KREMEN1: variants seen among roughly 807,000 people sequenced by gnomAD.
KREMEN1 encodes the protein kringle containing transmembrane protein 1.
Under a neutral mutation model 46.5 loss-of-function variants are expected in KREMEN1, and 30 were observed. That is an observed-to-expected ratio of 0.65 (90% CI 0.48 to 0.88). The LOEUF is 0.88. KREMEN1 is among the 40% of genes least tolerant of loss of function. The pLI, the probability that KREMEN1 is intolerant of heterozygous loss-of-function variation, is 0.00. For missense variants in KREMEN1, 533 were observed against 596.9 expected, an observed-to-expected ratio of 0.89 and a Z score of 1.11; for synonymous variants, 214 against 230.6, an observed-to-expected ratio of 0.93 and a Z score of 0.65.
In KREMEN1 at chr22:29,098,898, G is replaced by A. The variant is rs1160535947; in HGVS notation, c.297G>A (p.Val99=). Residue 99 remains valine, a synonymous_variant, in exon 3 of 9, where the codon GTG becomes GTA. Coordinates refer to ENST00000400335, the MANE Select transcript of KREMEN1 (RefSeq NM_001039570.3). The part of the protein sequence containing the change: ...PDGDVSPWCY[V]AEHEDGVYWK... ...GAGACGTGAGCCCCTGGTGCTATGT[G>A]GCAGAGCACGAGGATGGTGTCTACT... 1.2e-6 allele frequency: 2 copies of A among 1,614,136 alleles called. No individual in the cohort carries two copies. The highest frequency in any genetic ancestry group is 2.2e-5 in the East Asian group (1 of 44,890).
chr22:29,156,279 G>A (rs1287021884), intron 9 of KREMEN1, among the ~76,000 whole-genome samples: 1 of 152,258 alleles, frequency 6.6e-6, no homozygotes, highest in Non-Finnish European at 1.5e-5. Context: ...CAGCTCCCAA[G>A]CCAAAATGTC....
chr22:29,082,532 C>T (rs2037671314), intron 1 of KREMEN1, among the ~76,000 whole-genome samples: 2 of 152,196 alleles, frequency 1.3e-5, no homozygotes, highest in South Asian at 2.1e-4. Context: ...GAAACTAATG[C>T]ACCCTGAATG....
Position 29,143,928 on chromosome 22 carries a change from G to T in KREMEN1, c.*1816G>T, listed in dbSNP as rs2038812161. The T allele has an allele frequency of 3.0e-6, 3 of 985,278 alleles. No homozygotes were observed. Among genetic ancestry groups the T allele is most frequent in the Non-Finnish European group, 3.6e-6 (3 of 829,948 alleles). 61.0% of individuals were successfully genotyped at this position (985,278 alleles called of 1,614,324 possible). On this transcript the variant is annotated 3_prime_UTR_variant, in exon 9 of 9. Coordinates refer to ENST00000400335, the MANE Select transcript of KREMEN1 (RefSeq NM_001039570.3). ...CAGAAGAGGGTGGGTTTGGGAATTG[G>T]AGCTCCTCCAAGGAGCTCCTCCTAA...
chr22:29,094,759 G>T (rs1366802245), intron 2 of KREMEN1, among the ~76,000 whole-genome samples: 2 of 151,952 alleles, frequency 1.3e-5, no homozygotes, highest in African/African-American at 4.8e-5. Context: ...GAGTAGCTGG[G>T]ACTACAGGCG....
In KREMEN1 at chr22:29,137,544, C is replaced by T. The variant is rs2038687064; in HGVS notation, c.834C>T (p.His278=). 3 of 1,613,734 alleles carry T rather than the reference C, an allele frequency of 1.9e-6. No individual in the cohort carries two copies. Among genetic ancestry groups the T allele is most frequent in the African/African-American group, 1.3e-5 (1 of 75,048 alleles). Residue 278 remains histidine, a synonymous_variant, in exon 6 of 9, where the codon CAC becomes CAT. Transcript: ENST00000400335. The part of the protein sequence containing the change: ...DMVELLDGYT[H]RVLARFHGRS... ...TGGAGCTTCTGGATGGCTACACCCA[C>T]CGTGTCCTAGCCCGCTTCCACGGGA...
intron 3 of KREMEN1, among the ~76,000 whole-genome samples, chr22:29,105,142 G>A (rs950142388): frequency 2.6e-5 from 4 of 152,138 alleles, no homozygotes; most frequent in Non-Finnish European, 4.4e-5. Flanking sequence ...GCACCCAGGA[G>A]GGCCATCTGT....
At chr22:29,160,855 A>G (rs987715366) in intron 9 of KREMEN1, among the ~76,000 whole-genome samples, 1 of 152,236 alleles carries the variant, frequency 6.6e-6, no homozygotes, top group Non-Finnish European at 1.5e-5. Context: ...AAGATAGCAG[A>G]AGAAAAGAAA....
At chr22:29,093,515 A>C (rs1224507301) in intron 1 of KREMEN1, among the ~76,000 whole-genome samples, 3 of 152,248 alleles carry the variant, frequency 2.0e-5, no homozygotes, top group African/African-American at 7.2e-5. Context: ...CAGATTTTAG[A>C]AACACATTGT....
At chr22:29,088,838 C>G (rs1444761978) in intron 1 of KREMEN1, among the ~76,000 whole-genome samples, 2 of 152,132 alleles carry the variant, frequency 1.3e-5, no homozygotes, top group Non-Finnish European at 2.9e-5. Flanking sequence ...AACTGAGGCT[C>G]AAGGAGGTTA....
At chr22:29,086,807 G>A (rs975488487) in intron 1 of KREMEN1, among the ~76,000 whole-genome samples, 7 of 152,162 alleles carry the variant, frequency 4.6e-5, no homozygotes, top group African/African-American at 1.4e-4. Context: ...CGCCCAGGCT[G>A]GAGTGCAGTG....
Position 29,146,216 on chromosome 22 carries a change from T to C in KREMEN1, c.*4104T>C. 1.0e-6 allele frequency: 1 copy of C among 985,944 alleles called. No individual in the cohort carries two copies. 61.1% of individuals were successfully genotyped at this position (985,944 alleles called of 1,614,324 possible). A position where few individuals can be genotyped will look rare whatever the true frequency, so the allele number is the denominator to read the frequency against. On this transcript the variant is annotated 3_prime_UTR_variant, in exon 9 of 9. Transcript: ENST00000400335. ...TGGATTGTTTCCTCTGGTGTCTTTG[T>C]TTACCTTCCTCACTGTTCTACCTCC...
intron 7 of KREMEN1, among the ~76,000 whole-genome samples, chr22:29,139,004 C>T (rs2038716045): frequency 6.6e-6 from 1 of 152,194 alleles, no homozygotes; most frequent in Non-Finnish European, 1.5e-5. Flanking sequence ...AAAAATTAGG[C>T]AAGCGTGCCT....
rs139274866 is a variant in KREMEN1, at chr22:29,133,338, C to T, written c.632-4004C>T. ...TTTTTGAGACAGGGTCTTACTCTGT[C>T]ACCCAGGCTAGAGTGCAGTAGTGCA... On this transcript the variant is annotated intron_variant, in intron 5 of 8. Coordinates refer to ENST00000400335, the MANE Select transcript of KREMEN1 (RefSeq NM_001039570.3). 9.0e-3 allele frequency among the ~76,000 whole-genome samples: 1,346 copies of T among 150,092 alleles called. 14 individuals carry two copies. Among genetic ancestry groups the T allele is most frequent in the African/African-American group, 0.031 (1,284 of 40,840 alleles).
At chr22:29,133,202 C>G (rs1023827689) in intron 5 of KREMEN1, among the ~76,000 whole-genome samples, 2 of 146,982 alleles carry the variant, frequency 1.4e-5, no homozygotes, top group African/African-American at 2.5e-5. Flanking sequence ...GAGCAGAGAT[C>G]GCGTCATTGC....
At chr22:29,089,316 TC>T (rs1000796802) in intron 1 of KREMEN1, among the ~76,000 whole-genome samples, 8 of 112,236 alleles carry the variant, frequency 7.1e-5, no homozygotes, top group Non-Finnish European at 1.0e-4. Context: ...GTATCACTAC[TC>T]AGCTGGTTGC....
chr22:29,108,145 G>A (rs1191203228), intron 3 of KREMEN1, among the ~76,000 whole-genome samples: 1 of 152,210 alleles, frequency 6.6e-6, no homozygotes, highest in African/African-American at 2.4e-5. Context: ...AATTAGCCAG[G>A]TGTGATGGGC....
chr22:29,101,425 A>T (rs2037975235), intron 3 of KREMEN1, among the ~76,000 whole-genome samples: 1 of 152,318 alleles, frequency 6.6e-6, no homozygotes, highest in Non-Finnish European at 1.5e-5. Context: ...TTTATTATTC[A>T]AGAAAAATTA....
Position 29,108,461 on chromosome 22 carries a change from C to T in KREMEN1, c.352+9508C>T, listed in dbSNP as rs560505133. 1.5e-3 allele frequency among the ~76,000 whole-genome samples: 224 copies of T among 152,248 alleles called. 7 individuals carry two copies. The South Asian group carries it at 0.045, about 31-fold the overall frequency. ...TAGGCACAATGACTCTCAGTTGTGCCTGGGTTTCCTCATTGGTGCCTTCCA... is the reference window on the plus strand; with the variant it reads ...TAGGCACAATGACTCTCAGTTGTGCTTGGGTTTCCTCATTGGTGCCTTCCA... On this transcript the variant is annotated intron_variant, in intron 3 of 8. Transcript: ENST00000400335.
At chr22:29,131,730 A>G (rs1217638612) in intron 5 of KREMEN1, among the ~76,000 whole-genome samples, 1 of 139,288 alleles carries the variant, frequency 7.2e-6, no homozygotes, top group African/African-American at 2.8e-5. Context: ...ATATATATGT[A>G]TATATGTGTA....
Sources: gnomAD v4.1 joint callset for allele counts (sites outside exome capture counted in the v4.1 genomes callset) on GRCh38, gnomAD v4.1.1 for gene constraint, MANE v1.5 for transcripts, NCBI Gene and HGNC (gene_info 2026-07-23, HGNC 2026-07-21) for gene names.